Variants in SERTAD4 observed in about 807,000 individuals in gnomAD.
SERTAD4 encodes SERTA domain-containing protein 4.
Under a neutral mutation model 32.9 loss-of-function variants are expected in SERTAD4, and 18 were observed. That is an observed-to-expected ratio of 0.55 (90% CI 0.38 to 0.81). SERTAD4 has a LOEUF of 0.81. Among genes scored for constraint, SERTAD4 ranks in the 30% least tolerant of loss-of-function variants. The probability of loss-of-function intolerance (pLI) is 0.00; values close to 1 mark genes in which losing one functional copy is unlikely to be tolerated. For synonymous variants in SERTAD4, 150 were observed against 156.4 expected (o/e 0.96, Z 0.30); for missense variants, 383 against 426.0 (o/e 0.90, Z 0.89).
chr1:210,246,531 TA>T, downstream of SERTAD4: 1 of 978,562 alleles, frequency 1.0e-6, no homozygotes, highest in Non-Finnish European at 1.2e-6. Context: ...ACATGCTGTT[TA>T]AAATAGTCTG....
At chr1:210,240,436 A>T (rs1429907656) in intron 3 of SERTAD4, among the ~76,000 whole-genome samples, 1 of 152,122 alleles carries the variant, frequency 6.6e-6, no homozygotes, top group African/African-American at 2.4e-5. Context: ...TACCTTGCTC[A>T]TGAAAAGACA....
Position 210,239,495 on chromosome 1 carries a change from T to C in SERTAD4, c.178T>C (p.Ser60Pro). Residue 60 changes from serine to proline, a missense_variant and splice_region_variant, in exon 3 of 4, where the codon TCA (serine) becomes CCA (proline). Coordinates refer to ENST00000367012, the MANE Select transcript of SERTAD4 (RefSeq NM_019605.5). The stretch of plus-strand genomic sequence containing the variant: ...TCATATCTGATTTATTACCACAGGA[T>C]CACATTACAGGGGAATTTCAAATCC... ...DRGAGPPLAG[S>P]HYRGISNPIT... The C allele has an allele frequency of 6.4e-7, 1 of 1,557,032 alleles. No homozygotes were observed.
intron 1 of SERTAD4, chr1:210,233,841 G>A (rs969680083): frequency 2.1e-6 from 1 of 468,388 alleles, no homozygotes; most frequent in African/African-American, 2.0e-5. Context: ...GGCCGGCAAG[G>A]GAGGGAGGGA....
rs1384034819 is a variant in SERTAD4, at chr1:210,237,987, A to T, written c.27A>T (p.Arg9Ser). The change falls in exon 2 of 4, where the codon AGA becomes AGT. Residue 9 changes from arginine to serine, a missense_variant. Arg to Ser is a moderately radical substitution (Grantham distance 110, BLOSUM62 -1). Around this residue, in one of 3 missense-constraint regions of SERTAD4, gnomAD observed 96 missense variants for 76.6 expected, o/e 1.25. Coordinates refer to ENST00000367012, the MANE Select transcript of SERTAD4 (RefSeq NM_019605.5). Reference protein sequence around the residue: MTLVLSMNRFCEPIVSEGA... With the variant: MTLVLSMNSFCEPIVSEGA... Reference sequence around the variant, plus strand: ...TGACTCTGGTTCTGTCCATGAATAGATTCTGCGAGCCCATTGTCTCGGAAG... The same window carrying T: ...TGACTCTGGTTCTGTCCATGAATAGTTTCTGCGAGCCCATTGTCTCGGAAG... 5 of 1,612,214 alleles carry T rather than the reference A, an allele frequency of 3.1e-6. No homozygotes were observed. Among genetic ancestry groups the T allele is most frequent in the Non-Finnish European group, 4.2e-6 (5 of 1,179,566 alleles).
intron 1 of SERTAD4, among the ~76,000 whole-genome samples, chr1:210,236,747 G>A (rs532600553): frequency 1.6e-3 from 239 of 152,342 alleles, no homozygotes; most frequent in Non-Finnish European, 2.6e-3. Flanking sequence ...TTGTGTGACA[G>A]TTCTTGAAAC....
At chr1:210,234,038 A>G in intron 1 of SERTAD4, 1 of 321,382 alleles carries the variant, frequency 3.1e-6, no homozygotes, top group Non-Finnish European at 6.1e-6. Flanking sequence ...AATAGCTCTT[A>G]TTCTTCAGAA....
intron 2 of SERTAD4, among the ~76,000 whole-genome samples, chr1:210,238,878 G>A (rs74156114): frequency 0.024 from 3,631 of 152,138 alleles, 163 homozygotes; most frequent in African/African-American, 0.083. Flanking sequence ...AATGAAGTCT[G>A]TTTTGCTAAA....
At position 210,243,540 on chromosome 1, in the gene SERTAD4, T is replaced by G. The variant is rs1201035485; in HGVS notation, c.*1203T>G. Reference sequence around the variant, plus strand: ...GATCAATAAGGTTTATCTTAAAGAATGTAAAGACTTTAGGTTTTTGAAAGT... The same window carrying G: ...GATCAATAAGGTTTATCTTAAAGAAGGTAAAGACTTTAGGTTTTTGAAAGT... On this transcript the variant is annotated 3_prime_UTR_variant, in exon 4 of 4. Coordinates refer to ENST00000367012, the MANE Select transcript of SERTAD4 (RefSeq NM_019605.5). 1 of 152,202 alleles carries G rather than the reference T, an allele frequency of 6.6e-6. No individual in the cohort carries two copies. Among genetic ancestry groups the G allele is most frequent in the Non-Finnish European group, 1.5e-5 (1 of 68,014 alleles). The allele number at this position is 152,202 out of a possible 1,614,324, so 9.4% of individuals were successfully genotyped here. A position where few individuals can be genotyped will look rare whatever the true frequency, so the allele number is the denominator to read the frequency against.
chr1:210,233,138 C>T (rs1403162784), intron 1 of SERTAD4, 127 bp downstream of exon 1: 11 of 152,282 alleles, frequency 7.2e-5, no homozygotes, highest in African/African-American at 2.7e-4. Flanking sequence ...CCTCTTGGCA[C>T]CAGGGCTGTG....
Position 210,244,993 on chromosome 1 carries a change from C to G in SERTAD4, c.*2656C>G, listed in dbSNP as rs528130876. 1.3e-5 allele frequency: 2 copies of G among 151,958 alleles called. No individual in the cohort carries two copies. Among genetic ancestry groups the G allele is most frequent in the Non-Finnish European group, 2.9e-5 (2 of 68,028 alleles). 9.4% of individuals were successfully genotyped at this position (151,958 alleles called of 1,614,324 possible). Reference sequence around the variant, plus strand: ...TTAGTAGGCGAGAGTGCTAGGACTTCCTGTGTTCACCTCCCATGCACCCAG... The same window carrying G: ...TTAGTAGGCGAGAGTGCTAGGACTTGCTGTGTTCACCTCCCATGCACCCAG... On this transcript the variant is annotated 3_prime_UTR_variant, in exon 4 of 4. Transcript: ENST00000367012.
In SERTAD4 at chr1:210,237,928, T is replaced by A; in HGVS notation, c.-17-16T>A. On this transcript the variant is annotated splice_polypyrimidine_tract_variant and intron_variant, in intron 1 of 3. Coordinates refer to ENST00000367012, the MANE Select transcript of SERTAD4 (RefSeq NM_019605.5). ...GCTGTTTTCTTCATTCTTGTTTTTTTTTTTTTTCTTTTCAGATCTGAGGCT... is the reference window on the plus strand; with the variant it reads ...GCTGTTTTCTTCATTCTTGTTTTTTATTTTTTTCTTTTCAGATCTGAGGCT... The A allele has an allele frequency of 6.3e-7, 1 of 1,581,842 alleles. No homozygotes were observed. Among genetic ancestry groups the A allele is most frequent in the Non-Finnish European group, 8.6e-7 (1 of 1,165,998 alleles).
intron 3 of SERTAD4, among the ~76,000 whole-genome samples, chr1:210,239,963 T>G (rs2083979064): frequency 6.6e-6 from 1 of 152,218 alleles, no homozygotes; most frequent in South Asian, 2.1e-4. Flanking sequence ...CTCCCCAGTC[T>G]GAGTTCTGGC....
In SERTAD4 at chr1:210,245,882, G is replaced by T. The variant is rs1227825162; in HGVS notation, c.*3545G>T. ...AACAAATATAAGACAAGGATACAAG[G>T]ATTCCTATGTGATGCAGCTAGGTTT... is the stretch of plus-strand genomic sequence containing the variant. On this transcript the variant is annotated 3_prime_UTR_variant, in exon 4 of 4. Transcript: ENST00000367012. The T allele has an allele frequency of 2.0e-6, 2 of 985,218 alleles. No individual in the cohort carries two copies. The highest frequency in any genetic ancestry group is 1.7e-5 in the African/African-American group (1 of 57,228). The allele number at this position is 985,218 out of a possible 1,614,324, so 61.0% of individuals were successfully genotyped here. A position where few individuals can be genotyped will look rare whatever the true frequency, so the allele number is the denominator to read the frequency against.
At position 210,241,545 on chromosome 1, in the gene SERTAD4, T is replaced by TTTTTTG; in HGVS notation, c.292-10_292-9insTTGTTT. The TTTTTTG allele has an allele frequency of 6.7e-7, 1 of 1,486,106 alleles. No homozygotes were observed. The highest frequency in any genetic ancestry group is 8.9e-7 in the Non-Finnish European group (1 of 1,121,046). The allele number at this position is 1,486,106 out of a possible 1,614,324, so 92.1% of individuals were successfully genotyped here. On this transcript the variant is annotated splice_polypyrimidine_tract_variant and intron_variant, in intron 3 of 3. Transcript: ENST00000367012. Reference sequence around the variant, plus strand: ...CTGTTTGTTTTTTTCTTTTTTTTTTTTTTGGTTTGTAGACCATCTCAATTT... The same window carrying TTTTTTG: ...CTGTTTGTTTTTTTCTTTTTTTTTTTTTTTTGTTTGGTTTGTAGACCATCTCAATTT...
rs755497055 is a variant in SERTAD4 at position 210,241,780 on chromosome 1, T to C, written c.514T>C (p.Tyr172His). The C allele has an allele frequency of 1.2e-6, 2 of 1,614,158 alleles. No homozygotes were observed. The highest frequency in any genetic ancestry group is 2.2e-5 in the South Asian group (2 of 91,070). ...GTGGTTTATGGCTCAAGACTGCCCTTACCGAAAACGACCACGGATGGCCAA... is the reference window on the plus strand; with the variant it reads ...GTGGTTTATGGCTCAAGACTGCCCTCACCGAAAACGACCACGGATGGCCAA... ...QEWFMAQDCP[Y>H]RKRPRMAKEE... Residue 172 changes from tyrosine to histidine, a missense_variant, in exon 4 of 4, where the codon TAC becomes CAC. This residue lies in a region of SERTAD4 where 107 missense variants were observed against 158.8 expected (regional missense o/e 0.67). Transcript: ENST00000367012.
At position 210,243,413 on chromosome 1, in the gene SERTAD4, T is replaced by G. The variant is rs2084019877; in HGVS notation, c.*1076T>G. 6.6e-6 allele frequency: 1 copy of G among 152,346 alleles called. No homozygotes were observed. Among genetic ancestry groups the G allele is most frequent in the Non-Finnish European group, 1.5e-5 (1 of 68,164 alleles). The allele number at this position is 152,346 out of a possible 1,614,324, so 9.4% of individuals were successfully genotyped here. On this transcript the variant is annotated 3_prime_UTR_variant, in exon 4 of 4. Transcript: ENST00000367012. Reference sequence around the variant, plus strand: ...CAGTGGCATGCATTATACTTTTCTCTGTTTTGCATCATTTCACTTGTTTAG... The same window carrying G: ...CAGTGGCATGCATTATACTTTTCTCGGTTTTGCATCATTTCACTTGTTTAG...
At position 210,245,427 on chromosome 1, in the gene SERTAD4, T is replaced by G. The variant is rs554774144; in HGVS notation, c.*3090T>G. 6.6e-6 allele frequency: 1 copy of G among 152,282 alleles called. No individual in the cohort carries two copies. Among genetic ancestry groups the G allele is most frequent in the South Asian group, 2.1e-4 (1 of 4,808 alleles). 9.4% of individuals were successfully genotyped at this position (152,282 alleles called of 1,614,324 possible). A position where few individuals can be genotyped will look rare whatever the true frequency, so the allele number is the denominator to read the frequency against. On this transcript the variant is annotated 3_prime_UTR_variant, in exon 4 of 4. Transcript: ENST00000367012. ...AGAAGGTGGTCTGGCAAAGGGATTT[T>G]CAAAGGGCAAAAGTCTCATCATCAT...
At position 210,243,003 on chromosome 1, in the gene SERTAD4, C is replaced by T. The variant is rs950500592; in HGVS notation, c.*666C>T. Reference sequence around the variant, plus strand: ...GCTTTTAGAGAGGTGTTATACAGGGCGATTTTTGGTGCCTTACTTTTATCT... The same window carrying T: ...GCTTTTAGAGAGGTGTTATACAGGGTGATTTTTGGTGCCTTACTTTTATCT... On this transcript the variant is annotated 3_prime_UTR_variant, in exon 4 of 4. Coordinates refer to ENST00000367012, the MANE Select transcript of SERTAD4 (RefSeq NM_019605.5). 16 of 974,256 alleles carry T rather than the reference C, an allele frequency of 1.6e-5. No individual in the cohort carries two copies. In the Admixed American group the frequency reaches 5.1e-4, roughly 31 times the overall value. 60.4% of individuals were successfully genotyped at this position (974,256 alleles called of 1,614,324 possible). A position where few individuals can be genotyped will look rare whatever the true frequency, so the allele number is the denominator to read the frequency against.
chr1:210,243,012 G>T lies in SERTAD4; in HGVS notation c.*675G>T, dbSNP rs1246375921. 4 of 978,830 alleles carry T rather than the reference G, an allele frequency of 4.1e-6. No individual in the cohort carries two copies. The highest frequency in any genetic ancestry group is 4.8e-6 in the Non-Finnish European group (4 of 829,106). 60.6% of individuals were successfully genotyped at this position (978,830 alleles called of 1,614,324 possible). On this transcript the variant is annotated 3_prime_UTR_variant, in exon 4 of 4. Coordinates refer to ENST00000367012, the MANE Select transcript of SERTAD4 (RefSeq NM_019605.5). ...GAGGTGTTATACAGGGCGATTTTTG[G>T]TGCCTTACTTTTATCTTAATTTTTG...
Sources: gnomAD v4.1 joint callset for allele counts (sites outside exome capture counted in the v4.1 genomes callset) on GRCh38, gnomAD v4.1.1 for gene constraint, gnomAD v4.1.1 regional missense constraint, MANE v1.5 for transcripts, NCBI Gene and HGNC (gene_info 2026-07-23, HGNC 2026-07-21) for gene names.